Variants in RIMS1 observed in about 807,000 individuals in gnomAD.
The protein encoded by RIMS1 is regulating synaptic membrane exocytosis 1.
RIMS1 carries 83 observed loss-of-function variants against 214.1 expected under a neutral mutation model. The observed-to-expected ratio is 0.39, with a 90% confidence interval of 0.32 to 0.47. The LOEUF (loss-of-function observed/expected upper bound fraction) is 0.47, where lower values mean the gene tolerates loss of function less well. RIMS1 is among the 20% of genes least tolerant of loss of function. RIMS1 has a pLI of 0.99. For synonymous variants in RIMS1, 793 were observed against 786.8 expected, an observed-to-expected ratio of 1.01 and a Z score of -0.13; for missense variants, 2,050 against 2,161.8, an observed-to-expected ratio of 0.95 and a Z score of 1.03.
At chr6:72,215,831 T>C (rs116208554) in intron 6 of RIMS1, among the ~76,000 whole-genome samples, 119 of 152,348 alleles carry the variant, frequency 7.8e-4, no homozygotes, top group African/African-American at 2.8e-3. Context: ...GGCTGATATT[T>C]TGCAGTTGTT....
intron 26 of RIMS1, among the ~76,000 whole-genome samples, chr6:72,293,633 T>C (rs1404615258): frequency 6.6e-6 from 1 of 151,860 alleles, no homozygotes; most frequent in Non-Finnish European, 1.5e-5. Flanking sequence ...TAAAACATTT[T>C]ATGGGTTCAA....
chr6:72,383,212 A>G (rs1013599491), intron 29 of RIMS1, among the ~76,000 whole-genome samples: 1 of 152,198 alleles, frequency 6.6e-6, no homozygotes, highest in African/African-American at 2.4e-5. Context: ...AGTTAAATAC[A>G]TATAAAATAA....
intron 2 of RIMS1, among the ~76,000 whole-genome samples, chr6:72,028,873 T>C (rs1176711987): frequency 6.6e-6 from 1 of 152,200 alleles, no homozygotes; most frequent in Non-Finnish European, 1.5e-5. Flanking sequence ...TGTGCTCATC[T>C]TTCCTTTATA....
intron 27 of RIMS1, among the ~76,000 whole-genome samples, chr6:72,308,240 C>A (rs1027706372): frequency 1.3e-5 from 2 of 151,856 alleles, no homozygotes; most frequent in Non-Finnish European, 2.9e-5. Context: ...TAAGGAAACA[C>A]CAAGGAGTTT....
chr6:71,907,311 C>A (rs1775531804), intron 1 of RIMS1, among the ~76,000 whole-genome samples: 1 of 152,076 alleles, frequency 6.6e-6, no homozygotes, highest in African/African-American at 2.4e-5. Context: ...GAAAAAAATA[C>A]CCTATCTTGA....
Position 72,047,901 on chromosome 6 carries a change from T to G in RIMS1, c.246-49048T>G, listed in dbSNP as rs116496037. On this transcript the variant is annotated intron_variant, in intron 2 of 33. Coordinates refer to ENST00000521978, the MANE Select transcript of RIMS1 (RefSeq NM_014989.7). Reference sequence around the variant, plus strand: ...GGTTTATTGGGCAGTTTGTCTTTATTTGCTTTCTACTTCTATTATTCCAGT... The same window carrying G: ...GGTTTATTGGGCAGTTTGTCTTTATGTGCTTTCTACTTCTATTATTCCAGT... Among the ~76,000 whole-genome samples the G allele has an allele frequency of 6.8e-3, 1,034 of 152,330 alleles. 9 individuals are homozygous for G. Among genetic ancestry groups the G allele is most frequent in the African/African-American group, 0.023 (974 of 41,580 alleles).
At chr6:72,125,222 T>G (rs2039261526) in intron 4 of RIMS1, among the ~76,000 whole-genome samples, 1 of 152,206 alleles carries the variant, frequency 6.6e-6, no homozygotes, top group South Asian at 2.1e-4. Context: ...TTAGTTTTCC[T>G]TCTAACAGTT....
intron 29 of RIMS1, among the ~76,000 whole-genome samples, chr6:72,367,154 C>G (rs1357987851): frequency 6.6e-6 from 1 of 152,148 alleles, no homozygotes; most frequent in Non-Finnish European, 1.5e-5. Context: ...TAAAGCTAGA[C>G]TTACAGGATT....
intron 4 of RIMS1, among the ~76,000 whole-genome samples, chr6:72,112,820 T>G (rs9341360): frequency 0.4 from 60,863 of 152,036 alleles, 12,590 homozygotes; most frequent in Admixed American, 0.45. Context: ...CTCTTTCTTT[T>G]CTCATTGCTA....
At chr6:71,996,563 A>T (rs1474363685) in intron 2 of RIMS1, among the ~76,000 whole-genome samples, 2 of 152,214 alleles carry the variant, frequency 1.3e-5, no homozygotes, top group African/African-American at 2.4e-5. Context: ...CTTTGAACGG[A>T]TATTTTCTCT....
chr6:71,974,633 A>C (rs1323806263), intron 2 of RIMS1, among the ~76,000 whole-genome samples: 1 of 152,164 alleles, frequency 6.6e-6, no homozygotes, highest in Non-Finnish European at 1.5e-5. Flanking sequence ...ATTAGAATAT[A>C]GTGATTCATT....
intron 26 of RIMS1, among the ~76,000 whole-genome samples, chr6:72,306,837 T>A (rs879352173): frequency 3.9e-5 from 6 of 152,154 alleles, no homozygotes; most frequent in Non-Finnish European, 7.4e-5. Flanking sequence ...GTTAAGTGGG[T>A]GTGTGCATGC....
chr6:72,167,656 C>T (rs148328963), intron 4 of RIMS1, among the ~76,000 whole-genome samples: 3 of 151,918 alleles, frequency 2.0e-5, no homozygotes, highest in East Asian at 1.9e-4. Context: ...TTCTTTTTTG[C>T]GTCAGTTTTG....
intron 29 of RIMS1, among the ~76,000 whole-genome samples, chr6:72,387,644 C>A (rs889679705): frequency 6.6e-6 from 1 of 152,174 alleles, no homozygotes; most frequent in African/African-American, 2.4e-5. Flanking sequence ...GTCAAGTGGA[C>A]AAGACAGAGT....
chr6:72,023,899 TA>T (rs1035610241), intron 2 of RIMS1, among the ~76,000 whole-genome samples: 2 of 152,128 alleles, frequency 1.3e-5, no homozygotes, highest in African/African-American at 4.8e-5. Context: ...GTTTTGCACA[TA>T]ATATGTTTCA....
intron 6 of RIMS1, among the ~76,000 whole-genome samples, chr6:72,203,462 A>AT (rs2052388020): frequency 1.3e-5 from 2 of 152,176 alleles, no homozygotes; most frequent in Admixed American, 6.5e-5. Flanking sequence ...AAAGACAAGC[A>AT]TACACACTGT....
Position 72,289,924 on chromosome 6 carries a change from A to G in RIMS1, c.3555-755A>G, listed in dbSNP as rs527809946. On this transcript the variant is annotated intron_variant, in intron 24 of 33. Transcript: ENST00000521978. ...GCATTAAAAAAATAAGTACATCTAT[A>G]TAAACATCAGTTGTTTATTTTTAAT... 9.8e-5 allele frequency among the ~76,000 whole-genome samples: 15 copies of G among 152,328 alleles called. No homozygotes were observed. The South Asian group carries it at 3.1e-3, about 32-fold the overall frequency.
intron 6 of RIMS1, among the ~76,000 whole-genome samples, chr6:72,193,037 CTCT>C (rs1371291832): frequency 6.6e-6 from 1 of 152,202 alleles, no homozygotes; most frequent in Non-Finnish European, 1.5e-5. Flanking sequence ...CCTTAAAGGG[CTCT>C]TCACCAGTTT....
At chr6:72,258,871 C>A in intron 17 of RIMS1, 115 bp from the exon 18 acceptor site, 1 of 989,734 alleles carries the variant, frequency 1.0e-6, no homozygotes, top group Non-Finnish European at 1.6e-6. Flanking sequence ...GATTATGATG[C>A]AAATACTTTT....
Sources: allele counts gnomAD v4.1 joint callset (sites outside exome capture counted in the v4.1 genomes callset), GRCh38; gene constraint gnomAD v4.1.1; transcripts MANE v1.5; gene names NCBI Gene and HGNC (gene_info 2026-07-23, HGNC 2026-07-21).